The following NDST3 variants were observed in gnomAD, a reference collection of about 807,000 sequenced individuals.
NDST3 encodes N-deacetylase and N-sulfotransferase 3, also known as bifunctional heparan sulfate N-deacetylase/N-sulfotransferase 3.
Under a neutral mutation model 96.1 loss-of-function variants are expected in NDST3, and 58 were observed. The observed-to-expected ratio is 0.60, with a 90% CI of 0.49 to 0.75. The LOEUF (loss-of-function observed/expected upper bound fraction) is 0.75, where lower values mean the gene tolerates loss of function less well. Among genes scored for constraint, NDST3 ranks in the 30% least tolerant of loss-of-function variants. The probability of loss-of-function intolerance (pLI) is 0.00; values close to 1 mark genes in which losing one functional copy is unlikely to be tolerated. For missense variants in NDST3, 788 were observed against 1,034.2 expected, an observed-to-expected ratio of 0.76 and a Z score of 3.27; for synonymous variants, 333 against 359.7, an observed-to-expected ratio of 0.93 and a Z score of 0.84.
rs1424187357 is a variant in NDST3 at position 118,134,806 on chromosome 4, T to C, written c.1225-3248T>C. Among the ~76,000 whole-genome samples the C allele has an allele frequency of 5.9e-5, 9 of 152,200 alleles. No homozygotes were observed. The East Asian group carries it at 1.3e-3, about 23-fold the overall frequency. ...TACATAGCCAGATTCCTCAGTGTTTTTGAACCATGTCCTCCACTAGAAAAA... is the reference window on the plus strand; with the variant it reads ...TACATAGCCAGATTCCTCAGTGTTTCTGAACCATGTCCTCCACTAGAAAAA... On this transcript the variant is annotated intron_variant, in intron 4 of 13. Transcript: ENST00000296499.
At chr4:118,105,966 ATT>A (rs1730148270) in intron 3 of NDST3, among the ~76,000 whole-genome samples, 3 of 152,272 alleles carry the variant, frequency 2.0e-5, no homozygotes, top group South Asian at 4.1e-4. Flanking sequence ...GCTTGCCAGT[ATT>A]TGATATTGTT....
Position 118,253,530 on chromosome 4 carries a change from T to C in NDST3, c.2431T>C (p.Leu811=). 6.2e-7 allele frequency: 1 copy of C among 1,612,674 alleles called. No individual in the cohort carries two copies. Among genetic ancestry groups the C allele is most frequent in the South Asian group, 1.1e-5 (1 of 90,958 alleles). ...FDSHKGFWCQ[L]LEEGKTKCLG... ...TTCTCATAAAGGTTTCTGGTGTCAGTTACTGGAAGAAGGTAAAACAAAATG... is the reference window on the plus strand; with the variant it reads ...TTCTCATAAAGGTTTCTGGTGTCAGCTACTGGAAGAAGGTAAAACAAAATG... Residue 811 remains leucine, a synonymous_variant, in exon 13 of 14, where the codon TTA becomes CTA. Coordinates refer to ENST00000296499, the MANE Select transcript of NDST3 (RefSeq NM_004784.3).
intron 6 of NDST3, chr4:118,194,368 A>G: frequency 1.4e-6 from 1 of 728,394 alleles, no homozygotes; most frequent in Non-Finnish European, 2.6e-6. Context: ...TCCACCTCAA[A>G]CACGAGTGTG....
At chr4:118,226,849 G>GA (rs768595196) in intron 7 of NDST3, 37 bp from the exon 8 acceptor site, 58 of 1,463,964 alleles carry the variant, frequency 4.0e-5, no homozygotes, top group Non-Finnish European at 5.0e-5. Context: ...ACACATTCAT[G>GA]AAAAAAAATA....
chr4:118,081,425 CGAGA>C (rs869266435), intron 2 of NDST3, among the ~76,000 whole-genome samples: 8 of 146,946 alleles, frequency 5.4e-5, no homozygotes, highest in African/African-American at 9.9e-5. Context: ...TGTGTGTGTG[CGAGA>C]GAGAGATCTG....
chr4:118,238,212 A>G (rs1560738864), intron 10 of NDST3, among the ~76,000 whole-genome samples: 1 of 134,298 alleles, frequency 7.4e-6, no homozygotes, highest in Admixed American at 7.4e-5. Context: ...AGAAAGAAAG[A>G]AAGAAAGAAA....
At position 118,134,471 on chromosome 4, in the gene NDST3, AG is replaced by A. The variant is rs11347319; in HGVS notation, c.1225-3582del. Among the ~76,000 whole-genome samples, 720 of 152,366 alleles carry A rather than the reference AG, an allele frequency of 4.7e-3. 6 individuals are homozygous for A. The highest frequency in any genetic ancestry group is 0.017 in the African/African-American group (689 of 41,594). On this transcript the variant is annotated intron_variant, in intron 4 of 13. Coordinates refer to ENST00000296499, the MANE Select transcript of NDST3 (RefSeq NM_004784.3). ...TTCTATGCCAAAAGGCAATGGGATA[AG>A]ATGGTAGATTCGACTAGGGTGATGA...
At chr4:118,039,844 G>T (rs200869173) in intron 1 of NDST3, among the ~76,000 whole-genome samples, 1 of 152,156 alleles carries the variant, frequency 6.6e-6, no homozygotes, top group East Asian at 1.9e-4. Flanking sequence ...TTAGAAGGGA[G>T]AGCATCATCT....
rs377536181 is a variant in NDST3 at position 118,149,118 on chromosome 4, G to C, written c.1539+5434G>C. On this transcript the variant is annotated intron_variant, in intron 6 of 13. Transcript: ENST00000296499. ...TGTTCTGTTCCATTGATCTATATCT[G>C]TGTTTTGGTACCAGTACCATGCTGT... is the stretch of plus-strand genomic sequence containing the variant. Among the ~76,000 whole-genome samples, 171 of 152,060 alleles carry C rather than the reference G, an allele frequency of 1.1e-3. 1 individual carries two copies. The highest frequency in any genetic ancestry group is 1.9e-3 in the Non-Finnish European group (130 of 67,920).
chr4:118,176,837 T>C (rs1480702315), intron 6 of NDST3, among the ~76,000 whole-genome samples: 1 of 152,036 alleles, frequency 6.6e-6, no homozygotes, highest in Non-Finnish European at 1.5e-5. Context: ...ATCAATGGAA[T>C]TTGAGATTGA....
chr4:118,202,832 A>G (rs1432611779), intron 6 of NDST3, among the ~76,000 whole-genome samples: 1 of 152,162 alleles, frequency 6.6e-6, no homozygotes, highest in Non-Finnish European at 1.5e-5. Context: ...TGTTCCAGCT[A>G]TGACTTCCAG....
intron 6 of NDST3, among the ~76,000 whole-genome samples, chr4:118,192,386 T>C (rs146188040): frequency 1.3e-5 from 2 of 152,210 alleles, no homozygotes; most frequent in Admixed American, 6.5e-5. Flanking sequence ...AGTTCCCCAA[T>C]GTTTTCTTGT....
chr4:118,111,595 G>A (rs1406467304), intron 3 of NDST3, among the ~76,000 whole-genome samples: 2 of 149,082 alleles, frequency 1.3e-5, no homozygotes, highest in African/African-American at 2.5e-5. Context: ...GGAGTGTAGC[G>A]ACGCCATCTT....
At chr4:118,040,150 G>A (rs958139615) in intron 1 of NDST3, among the ~76,000 whole-genome samples, 2 of 152,202 alleles carry the variant, frequency 1.3e-5, no homozygotes, top group African/African-American at 4.8e-5. Context: ...GTTTTAGACA[G>A]GTTAAGTTTG....
chr4:118,149,648 A>T (rs1234890651), intron 6 of NDST3, among the ~76,000 whole-genome samples: 1 of 150,988 alleles, frequency 6.6e-6, no homozygotes, highest in East Asian at 1.9e-4. Flanking sequence ...ACTTAAGGAG[A>T]TTTTGGGCTG....
intron 2 of NDST3, among the ~76,000 whole-genome samples, chr4:118,090,216 G>A (rs1482591932): frequency 6.6e-6 from 1 of 151,956 alleles, no homozygotes; most frequent in Non-Finnish European, 1.5e-5. Context: ...AGCTTGGAAG[G>A]CATTGAGCAG....
At position 118,135,104 on chromosome 4, in the gene NDST3, G is replaced by A. The variant is rs190650697; in HGVS notation, c.1225-2950G>A. On this transcript the variant is annotated intron_variant, in intron 4 of 13. Transcript: ENST00000296499. ...TTTTCTATACAATAACGTTTCAGGT[G>A]TTCTCTCTGGTGATGAATGCAAATT... is the stretch of plus-strand genomic sequence containing the variant. Among the ~76,000 whole-genome samples the A allele has an allele frequency of 3.5e-3, 536 of 152,278 alleles. 1 individual carries two copies. Among genetic ancestry groups the A allele is most frequent in the Non-Finnish European group, 6.1e-3 (414 of 68,024 alleles).
intron 1 of NDST3, among the ~76,000 whole-genome samples, chr4:118,042,450 G>A (rs1724525193): frequency 6.6e-6 from 1 of 152,108 alleles, no homozygotes; most frequent in Non-Finnish European, 1.5e-5. Context: ...AGTGTGGCAT[G>A]TTCTCTCTCT....
At chr4:118,114,660 C>T (rs914983366) in intron 3 of NDST3, 146 bp from the exon 4 acceptor site, 1 of 726,112 alleles carries the variant, frequency 1.4e-6, no homozygotes, top group Admixed American at 3.1e-5. Flanking sequence ...TTCCTTGATA[C>T]ATTTGGGTTT....
Sources: gnomAD v4.1 joint callset for allele counts (sites outside exome capture counted in the v4.1 genomes callset) on GRCh38, gnomAD v4.1.1 for gene constraint, MANE v1.5 for transcripts, NCBI Gene and HGNC (gene_info 2026-07-23, HGNC 2026-07-21) for gene names.